Variants in CYRIA observed in about 807,000 individuals in gnomAD.
CYRIA encodes CYFIP-related Rac1 interactor A.
CYRIA carries 15 observed loss-of-function variants against 43.9 expected under a neutral mutation model. The observed-to-expected ratio is 0.34, with a 90% confidence interval of 0.23 to 0.53. CYRIA has a LOEUF of 0.53. CYRIA is among the 20% of genes least tolerant of loss of function. CYRIA has a pLI of 0.94. For missense variants in CYRIA, 236 were observed against 394.2 expected, an observed-to-expected ratio of 0.60 and a Z score of 3.40; for synonymous variants, 117 against 136.0, an observed-to-expected ratio of 0.86 and a Z score of 0.97.
intron 2 of CYRIA, among the ~76,000 whole-genome samples, chr2:16,615,150 T>C (rs1158480302): frequency 6.6e-6 from 1 of 152,246 alleles, no homozygotes; most frequent in Non-Finnish European, 1.5e-5. Flanking sequence ...GGCACCCACC[T>C]GGGAGCTTAT....
chr2:16,561,672 T>C (rs1666738664), intron 6 of CYRIA, 139 bp from the exon 7 acceptor site: 5 of 684,826 alleles, frequency 7.3e-6, no homozygotes, highest in Non-Finnish European at 1.2e-5. Context: ...AACTTCTGGT[T>C]AGAAATAAGG....
intron 3 of CYRIA, among the ~76,000 whole-genome samples, chr2:16,574,734 C>G (rs1309407096): frequency 2.6e-5 from 4 of 152,196 alleles, no homozygotes; most frequent in Non-Finnish European, 5.9e-5. Context: ...AAATCAAAAA[C>G]TGAGGTTTGG....
chr2:16,576,574 A>G (rs993458096), intron 3 of CYRIA, among the ~76,000 whole-genome samples: 1 of 152,154 alleles, frequency 6.6e-6, no homozygotes, highest in Non-Finnish European at 1.5e-5. Context: ...ATTCTCTCCT[A>G]TGAATCCTGG....
In CYRIA at chr2:16,552,931, G is replaced by T; in HGVS notation, c.*5C>A. 6.3e-7 allele frequency: 1 copy of T among 1,583,334 alleles called. No individual in the cohort carries two copies. Among genetic ancestry groups the T allele is most frequent in the Non-Finnish European group, 8.7e-7 (1 of 1,152,124 alleles). ...GCACATAGATCCTCTTCTTTGAGCAGAGCTCTACTGAAGCATTGCTCGAAT... is the reference window on the plus strand; with the variant it reads ...GCACATAGATCCTCTTCTTTGAGCATAGCTCTACTGAAGCATTGCTCGAAT... On this transcript the variant is annotated 3_prime_UTR_variant, in exon 12 of 12. Transcript: ENST00000381323.
chr2:16,563,323 T>G (rs942165131), intron 5 of CYRIA, among the ~76,000 whole-genome samples: 14 of 152,162 alleles, frequency 9.2e-5, no homozygotes, highest in Non-Finnish European at 8.8e-5. Context: ...AACATCACGG[T>G]CATTACTCCC....
chr2:16,580,576 T>C (rs1037738567), intron 3 of CYRIA, among the ~76,000 whole-genome samples: 8 of 152,174 alleles, frequency 5.3e-5, no homozygotes, highest in African/African-American at 2.4e-5. Context: ...CCCTAATTGT[T>C]CCATAGATTT....
intron 3 of CYRIA, among the ~76,000 whole-genome samples, chr2:16,584,286 T>C (rs1364985080): frequency 6.6e-6 from 1 of 152,176 alleles, no homozygotes; most frequent in African/African-American, 2.4e-5. Flanking sequence ...CATGTGCTCT[T>C]GTGACTGCCT....
chr2:16,640,818 T>C (rs1324796348), intron 1 of CYRIA, among the ~76,000 whole-genome samples: 1 of 151,724 alleles, frequency 6.6e-6, no homozygotes, highest in East Asian at 1.9e-4. Flanking sequence ...ACAGAAACTA[T>C]GTTAATCACA....
At chr2:16,580,580 T>C (rs1461538847) in intron 3 of CYRIA, among the ~76,000 whole-genome samples, 3 of 152,216 alleles carry the variant, frequency 2.0e-5, no homozygotes, top group African/African-American at 7.2e-5. Flanking sequence ...AATTGTTCCA[T>C]AGATTTGATG....
chr2:16,636,756 G>C (rs1209827461), intron 1 of CYRIA, among the ~76,000 whole-genome samples: 1 of 151,126 alleles, frequency 6.6e-6, no homozygotes, highest in African/African-American at 2.4e-5. Flanking sequence ...CCCTGCCTGG[G>C]CAACGTAGTA....
At chr2:16,611,631 G>A (rs1265356564) in intron 2 of CYRIA, among the ~76,000 whole-genome samples, 1 of 152,140 alleles carries the variant, frequency 6.6e-6, no homozygotes, top group Non-Finnish European at 1.5e-5. Flanking sequence ...CTGCAGAAAG[G>A]GGCTGTAGCT....
intron 2 of CYRIA, among the ~76,000 whole-genome samples, chr2:16,608,159 G>A (rs1391068853): frequency 6.6e-6 from 1 of 152,152 alleles, no homozygotes; most frequent in African/African-American, 2.4e-5. Context: ...TGGATGGGAA[G>A]GACTGGATAA....
chr2:16,569,394 C>T (rs898068415), intron 3 of CYRIA, among the ~76,000 whole-genome samples: 6 of 152,166 alleles, frequency 3.9e-5, no homozygotes, highest in Non-Finnish European at 1.5e-5. Context: ...AGGAGAAAGC[C>T]ACTCCATCAT....
intron 2 of CYRIA, among the ~76,000 whole-genome samples, chr2:16,606,300 C>T (rs1668393902): frequency 6.6e-6 from 1 of 152,060 alleles, no homozygotes; most frequent in African/African-American, 2.4e-5. Flanking sequence ...ACCCCTTGAT[C>T]CACTCTCCCA....
chr2:16,581,148 A>C (rs1398710266), intron 3 of CYRIA, among the ~76,000 whole-genome samples: 3 of 152,206 alleles, frequency 2.0e-5, no homozygotes, highest in Non-Finnish European at 4.4e-5. Context: ...AGATATCAAT[A>C]AGAAAATAAG....
chr2:16,619,092 G>A (rs1162221146), intron 2 of CYRIA, among the ~76,000 whole-genome samples: 2 of 152,166 alleles, frequency 1.3e-5, no homozygotes, highest in East Asian at 3.9e-4. Context: ...CTGGTCCCAG[G>A]CTACCTCCTG....
intron 10 of CYRIA, 98 bp downstream of exon 10, chr2:16,559,362 C>G: frequency 2.2e-6 from 3 of 1,382,612 alleles, no homozygotes; most frequent in Non-Finnish European, 9.8e-7. Context: ...AAAGATCACT[C>G]TCAGTGGAGA....
chr2:16,633,570 TTTC>T (rs1241966906), intron 1 of CYRIA, among the ~76,000 whole-genome samples: 10 of 58,426 alleles, frequency 1.7e-4, no homozygotes, highest in East Asian at 6.0e-3. Flanking sequence ...TTTTTTTTTT[TTTC>T]TGTAGAGAAG....
chr2:16,638,275 T>C (rs1260674185), intron 1 of CYRIA, among the ~76,000 whole-genome samples: 1 of 152,174 alleles, frequency 6.6e-6, no homozygotes, highest in African/African-American at 2.4e-5. Flanking sequence ...TCCATCTTGT[T>C]TGCTAACAGC....
Sources: allele counts gnomAD v4.1 joint callset (sites outside exome capture counted in the v4.1 genomes callset), GRCh38; gene constraint gnomAD v4.1.1; transcripts MANE v1.5; gene names NCBI Gene and HGNC (gene_info 2026-07-23, HGNC 2026-07-21).